Variants in HSD17B1 observed in about 807,000 individuals in gnomAD.
The protein encoded by HSD17B1 is hydroxysteroid 17-beta dehydrogenase 1, also known as 17-beta-hydroxysteroid dehydrogenase type 1.
Under a neutral mutation model 22.7 loss-of-function variants are expected in HSD17B1, and 16 were observed. That is an observed-to-expected ratio of 0.71 (90% confidence interval 0.48 to 1.07). The LOEUF (loss-of-function observed/expected upper bound fraction) is 1.07, where lower values mean the gene tolerates loss of function less well. Among genes scored for constraint, HSD17B1 ranks in the 50% least tolerant of loss-of-function variants. The probability of loss-of-function intolerance (pLI) is 0.00; values close to 1 mark genes in which losing one functional copy is unlikely to be tolerated. For missense variants in HSD17B1, 533 were observed against 459.9 expected (o/e 1.16, Z -1.45); for synonymous variants, 243 against 211.0 (o/e 1.15, Z -1.31).
intron 4 of HSD17B1, chr17:42,554,149 G>A (rs576237772): frequency 1.6e-4 from 104 of 650,278 alleles, no homozygotes; most frequent in Middle Eastern, 6.3e-4. Flanking sequence ...CAGCGGCCAG[G>A]GACCCCGCTA....
In HSD17B1 at chr17:42,554,786, G is replaced by T; in HGVS notation, c.835G>T (p.Ala279Ser). 1 of 1,602,826 alleles carries T rather than the reference G, an allele frequency of 6.2e-7. No homozygotes were observed. Among genetic ancestry groups the T allele is most frequent in the South Asian group, 1.1e-5 (1 of 91,084 alleles). The change falls in exon 6 of 6, where the codon GCC becomes TCC. Residue 279 changes from alanine to serine, a missense_variant. Physicochemically the swap from Ala to Ser is moderately conservative, Grantham distance 99 (BLOSUM62 1). Coordinates refer to ENST00000585807, the MANE Select transcript of HSD17B1 (RefSeq NM_000413.4). ...DDPSGSNYVT[A>S]MHREVFGDVP... ...CCCCAGCGGCTCCAACTACGTCACC[G>T]CCATGCACCGGGAAGTGTTCGGCGA...
rs2092947810 is a variant in HSD17B1 at position 42,552,933 on chromosome 17, C to T, written c.-1C>T. On this transcript the variant is annotated 5_prime_UTR_variant, in exon 1 of 6. Coordinates refer to ENST00000585807, the MANE Select transcript of HSD17B1 (RefSeq NM_000413.4). ...CCCCAGCCTCTCCCCACAGTCTCAC[C>T]ATGGCCCGCACCGTGGTGCTCATCA... The T allele has an allele frequency of 1.2e-6, 2 of 1,613,716 alleles. No homozygotes were observed. The highest frequency in any genetic ancestry group is 2.7e-5 in the African/African-American group (2 of 74,942).
rs760612501 is a variant in HSD17B1, at chr17:42,554,839, C to T, written c.888C>T (p.Ala296=). ...TTCCGGCAAAGGCCGAGGCTGGGGC[C>T]GAGGCTGGGGGCGGGGCCGGGCCTG... ...GDVPAKAEAG[A]EAGGGAGPGA... The change falls in exon 6 of 6, where the codon GCC becomes GCT. Residue 296 remains alanine, a synonymous_variant. Coordinates refer to ENST00000585807, the MANE Select transcript of HSD17B1 (RefSeq NM_000413.4). 27 of 1,593,224 alleles carry T rather than the reference C, an allele frequency of 1.7e-5. No individual in the cohort carries two copies. The highest frequency in any genetic ancestry group is 1.4e-5 in the Non-Finnish European group (16 of 1,176,790).
Position 42,553,050 on chromosome 17 carries a change from G to T in HSD17B1, c.97+20G>T. 1 of 1,614,120 alleles carries T rather than the reference G, an allele frequency of 6.2e-7. No individual in the cohort carries two copies. The highest frequency in any genetic ancestry group is 1.1e-5 in the South Asian group (1 of 91,080). ...TCAAAGGTATAGATAGGCAGGGACA[G>T]GGAGGGAGAGAAGGGAGGAGCCCTT... On this transcript the variant is annotated intron_variant, in intron 1 of 5. Coordinates refer to ENST00000585807, the MANE Select transcript of HSD17B1 (RefSeq NM_000413.4).
rs749692470 is a variant in HSD17B1 at position 42,553,431 on chromosome 17, C to T, written c.266-8C>T. ...GAGGCGGGCTGGTCGGGCCTCTTGT[C>T]TCCGCAGTGTGTAACGCAGGCCTGG... On this transcript the variant is annotated splice_polypyrimidine_tract_variant and splice_region_variant and intron_variant, in intron 2 of 5. Coordinates refer to ENST00000585807, the MANE Select transcript of HSD17B1 (RefSeq NM_000413.4). 6.2e-7 allele frequency: 1 copy of T among 1,611,730 alleles called. No homozygotes were observed. The highest frequency in any genetic ancestry group is 8.5e-7 in the Non-Finnish European group (1 of 1,179,820).
chr17:42,555,122 C>T lies in HSD17B1; in HGVS notation c.*184C>T. 1 of 1,267,324 alleles carries T rather than the reference C, an allele frequency of 7.9e-7. No homozygotes were observed. Among genetic ancestry groups the T allele is most frequent in the East Asian group, 2.9e-5 (1 of 34,310 alleles). 78.5% of individuals were successfully genotyped at this position (1,267,324 alleles called of 1,614,324 possible). On this transcript the variant is annotated 3_prime_UTR_variant, in exon 6 of 6. Coordinates refer to ENST00000585807, the MANE Select transcript of HSD17B1 (RefSeq NM_000413.4). ...ATGCCAGCGCTTTGGGAGGCGGAGG[C>T]AGGAGGATCGCTCAAGCCCCGGAGT...
chr17:42,553,392 C>T, intron 2 of HSD17B1, 47 bp from the exon 3 acceptor site: 1 of 1,607,456 alleles, frequency 6.2e-7, no homozygotes, highest in South Asian at 1.1e-5. Context: ...ACAGGCCGTG[C>T]TGAGGGTGAT....
Position 42,554,694 on chromosome 17 carries a change from C to T in HSD17B1, c.743C>T (p.Pro248Leu). Residue 248 changes from proline (P) to leucine (L), a missense_variant, in exon 6 of 6, where the codon CCG (proline) becomes CTG (leucine). Transcript: ENST00000585807. ...AEVFLTALRA[P>L]KPTLRYFTTE... ...GTCTTCCTCACCGCTTTGCGCGCCC[C>T]GAAGCCGACCCTGCGCTACTTCACC... 6.2e-7 allele frequency: 1 copy of T among 1,603,808 alleles called. No homozygotes were observed. The highest frequency in any genetic ancestry group is 8.5e-7 in the Non-Finnish European group (1 of 1,179,600).
Position 42,554,564 on chromosome 17 carries a change from C to G in HSD17B1, c.699C>G (p.Asn233Lys). The G allele has an allele frequency of 6.2e-7, 1 of 1,613,840 alleles. No homozygotes were observed. The highest frequency in any genetic ancestry group is 8.5e-7 in the Non-Finnish European group (1 of 1,179,878). Residue 233 changes from asparagine (N) to lysine (K), a missense_variant, in exon 5 of 6, where the codon AAC becomes AAG. Physicochemically the swap from Asn to Lys is moderately conservative, Grantham distance 94. Coordinates refer to ENST00000585807, the MANE Select transcript of HSD17B1 (RefSeq NM_000413.4). Reference protein sequence around the residue: ...SKQVFREAAQNPEEVAEVFLT... With the variant: ...SKQVFREAAQKPEEVAEVFLT... ...AAGTCTTTCGCGAGGCGGCGCAGAA[C>G]CCTGAGGAGGTGGCGGAGGTGAGCG...
At position 42,553,230 on chromosome 17, in the gene HSD17B1, G is replaced by A. The variant is rs777145147; in HGVS notation, c.204G>A (p.Arg68=). The change falls in exon 2 of 6, where the codon AGG becomes AGA. Residue 68 remains arginine, a synonymous_variant. Coordinates refer to ENST00000585807, the MANE Select transcript of HSD17B1 (RefSeq NM_000413.4). ...GSLETLQLDV[R]DSKSVAAARE... is the part of the protein sequence containing the mutation. ...TGGAGACGTTGCAGCTGGACGTAAG[G>A]GACTCAAAATCCGTGGCCGCTGCCC... 6 of 1,613,514 alleles carry A rather than the reference G, an allele frequency of 3.7e-6. No individual in the cohort carries two copies. The highest frequency in any genetic ancestry group is 5.1e-6 in the Non-Finnish European group (6 of 1,180,024).
Position 42,554,848 on chromosome 17 carries a change from G to A in HSD17B1, c.897G>A (p.Gly299=). The change falls in exon 6 of 6, where the codon GGG becomes GGA. Residue 299 remains glycine (G), a synonymous_variant. Transcript: ENST00000585807. ...PAKAEAGAEA[G]GGAGPGAEDE... Reference sequence around the variant, plus strand: ...AGGCCGAGGCTGGGGCCGAGGCTGGGGGCGGGGCCGGGCCTGGGGCAGAGG... The same window carrying A: ...AGGCCGAGGCTGGGGCCGAGGCTGGAGGCGGGGCCGGGCCTGGGGCAGAGG... 1 of 1,587,340 alleles carries A rather than the reference G, an allele frequency of 6.3e-7. No individual in the cohort carries two copies. Among genetic ancestry groups the A allele is most frequent in the Non-Finnish European group, 8.5e-7 (1 of 1,174,062 alleles).
In HSD17B1 at chr17:42,555,133, C is replaced by A; in HGVS notation, c.*195C>A. The A allele has an allele frequency of 8.3e-7, 1 of 1,199,188 alleles. No individual in the cohort carries two copies. Among genetic ancestry groups the A allele is most frequent in the Non-Finnish European group, 1.1e-6 (1 of 914,716 alleles). The allele number at this position is 1,199,188 out of a possible 1,614,324, so 74.3% of individuals were successfully genotyped here. ...TTGGGAGGCGGAGGCAGGAGGATCGCTCAAGCCCCGGAGTTGGAGACCAGC... is the reference window on the plus strand; with the variant it reads ...TTGGGAGGCGGAGGCAGGAGGATCGATCAAGCCCCGGAGTTGGAGACCAGC... On this transcript the variant is annotated 3_prime_UTR_variant, in exon 6 of 6. Transcript: ENST00000585807.
Position 42,554,451 on chromosome 17 carries a change from AAGGTGTTGGGCAGCCCAGAGG to A in HSD17B1, c.592_612del (p.Gly199_Leu205del), listed in dbSNP as rs1191375986. On this transcript the variant is annotated inframe_deletion, in exon 5 of 6. Coordinates refer to ENST00000585807, the MANE Select transcript of HSD17B1 (RefSeq NM_000413.4). Reference sequence around the variant, plus strand: ...CCCAGTGCACACCGCCTTCATGGAGAAGGTGTTGGGCAGCCCAGAGGAGGTGCTGGACCGCACGGACATCCA... The same window carrying A: ...CCCAGTGCACACCGCCTTCATGGAGAAGGTGCTGGACCGCACGGACATCCA... 1 of 1,612,964 alleles carries A rather than the reference AAGGTGTTGGGCAGCCCAGAGG, an allele frequency of 6.2e-7. No individual in the cohort carries two copies. Among genetic ancestry groups the A allele is most frequent in the Non-Finnish European group, 8.5e-7 (1 of 1,179,584 alleles).
rs1414538498 is a variant in HSD17B1, at chr17:42,553,109, T to C, written c.98-15T>C. On this transcript the variant is annotated splice_polypyrimidine_tract_variant and intron_variant, in intron 1 of 5. Transcript: ENST00000585807. The stretch of plus-strand genomic sequence containing the variant: ...GAAGGGAAGTCAGATCTTCCTCCTC[T>C]CCCAAAACCTCCAGTGTATGCCACG... 1 of 1,613,740 alleles carries C rather than the reference T, an allele frequency of 6.2e-7. No homozygotes were observed. The highest frequency in any genetic ancestry group is 1.3e-5 in the African/African-American group (1 of 74,916).
At chr17:42,554,275 A>C in intron 4 of HSD17B1, 130 bp from the exon 5 acceptor site, 1 of 1,307,626 alleles carries the variant, frequency 7.6e-7, no homozygotes, top group Non-Finnish European at 1.0e-6. Context: ...TTTCCGCCTC[A>C]CTTCCCAGCG....
At chr17:42,554,626 C>T (rs752900898) in intron 5 of HSD17B1, 43 bp from the exon 6 acceptor site, 6 of 1,606,396 alleles carry the variant, frequency 3.7e-6, no homozygotes, top group Admixed American at 3.3e-5. Context: ...GGTGCGTCCT[C>T]CGGCGCGCAG....
intron 2 of HSD17B1, 67 bp from the exon 3 acceptor site, chr17:42,553,372 G>GC (rs746953244): frequency 6.2e-7 from 1 of 1,604,484 alleles, no homozygotes; most frequent in South Asian, 1.1e-5. Context: ...GGCCCAGGGA[G>GC]CACGAGGGGA....
At position 42,554,664 on chromosome 17, in the gene HSD17B1, C is replaced by T. The variant is rs1567899049; in HGVS notation, c.718-5C>T. 29 of 1,604,182 alleles carry T rather than the reference C, an allele frequency of 1.8e-5. No individual in the cohort carries two copies. The highest frequency in any genetic ancestry group is 2.7e-5 in the African/African-American group (2 of 74,864). ...GTGGCCACAGCTCTCCTCCCGCCGC[C>T]GCAGGTCTTCCTCACCGCTTTGCGC... is the stretch of plus-strand genomic sequence containing the variant. On this transcript the variant is annotated splice_region_variant and splice_polypyrimidine_tract_variant and intron_variant, in intron 5 of 5. Coordinates refer to ENST00000585807, the MANE Select transcript of HSD17B1 (RefSeq NM_000413.4).
chr17:42,555,003 A>T lies in HSD17B1; in HGVS notation c.*65A>T. ...CCCTGGGTCTGTGTGGTCCCTGGGGATGGGGCGGCGGTAGCAGCTGTGGGT... is the reference window on the plus strand; with the variant it reads ...CCCTGGGTCTGTGTGGTCCCTGGGGTTGGGGCGGCGGTAGCAGCTGTGGGT... On this transcript the variant is annotated 3_prime_UTR_variant, in exon 6 of 6. Transcript: ENST00000585807. 1 of 1,411,092 alleles carries T rather than the reference A, an allele frequency of 7.1e-7. No individual in the cohort carries two copies. The allele number at this position is 1,411,092 out of a possible 1,614,324, so 87.4% of individuals were successfully genotyped here.
Sources: allele counts gnomAD v4.1 joint callset, GRCh38; gene constraint gnomAD v4.1.1; transcripts MANE v1.5; gene names NCBI Gene and HGNC (gene_info 2026-07-23, HGNC 2026-07-21).